Variants in LAP3 observed in about 807,000 individuals in gnomAD.
LAP3 encodes the protein cytosol aminopeptidase.
Under a neutral mutation model 58.8 loss-of-function variants are expected in LAP3, and 46 were observed. That is an observed-to-expected ratio of 0.78 (90% CI 0.62 to 1.00). The LOEUF (loss-of-function observed/expected upper bound fraction) is 1.00. Among genes scored for constraint, LAP3 ranks in the 50% least tolerant of loss-of-function variants. The probability of loss-of-function intolerance (pLI) is 0.00; values close to 1 mark genes in which losing one functional copy is unlikely to be tolerated. For missense variants in LAP3, 615 were observed against 659.1 expected (o/e 0.93, Z 0.73); for synonymous variants, 257 against 237.7 (o/e 1.08, Z -0.75).
Position 17,595,394 on chromosome 4 carries a change from G to A in LAP3, c.864-16G>A. Reference sequence around the variant, plus strand: ...TTCTTTGCTCTTAATATTGCACGTTGTCCATTTCCCCATAGTGGTGGTATC... The same window carrying A: ...TTCTTTGCTCTTAATATTGCACGTTATCCATTTCCCCATAGTGGTGGTATC... On this transcript the variant is annotated splice_polypyrimidine_tract_variant and intron_variant, in intron 7 of 12. Coordinates refer to ENST00000226299, the MANE Select transcript of LAP3 (RefSeq NM_015907.3). The A allele has an allele frequency of 6.2e-7, 1 of 1,612,518 alleles. No homozygotes were observed. Among genetic ancestry groups the A allele is most frequent in the Non-Finnish European group, 8.5e-7 (1 of 1,179,164 alleles).
chr4:17,595,359 T>G (rs775662106), intron 7 of LAP3, 51 bp from the exon 8 acceptor site: 1 of 1,596,060 alleles, frequency 6.3e-7, no homozygotes, highest in Non-Finnish European at 8.6e-7. Context: ...ATAAAGTGAT[T>G]TTGGCCATCT....
chr4:17,584,886 CTGTAAGGTAAGAG>C, intron 5 of LAP3, 73 bp from the exon 6 acceptor site: 3 of 1,323,918 alleles, frequency 2.3e-6, no homozygotes, highest in Non-Finnish European at 2.1e-6. Flanking sequence ...CTTTTGTTTT[CTGTAAGGTAAGAG>C]TGTCTCTTAG....
intron 6 of LAP3, 23 bp from the exon 7 acceptor site, chr4:17,588,796 T>G: frequency 6.3e-7 from 1 of 1,591,720 alleles, no homozygotes; most frequent in Non-Finnish European, 8.6e-7. Context: ...TATATTTACT[T>G]TTTCCCTCTT....
chr4:17,583,258 C>A (rs747632745), intron 4 of LAP3, among the ~76,000 whole-genome samples: 10 of 152,174 alleles, frequency 6.6e-5, no homozygotes, highest in Non-Finnish European at 1.3e-4. Context: ...TTCATTCTCT[C>A]CATCAGCCTG....
chr4:17,592,089 T>TTAAA (rs1319166810), intron 7 of LAP3, among the ~76,000 whole-genome samples: 1 of 152,052 alleles, frequency 6.6e-6, no homozygotes, highest in Non-Finnish European at 1.5e-5. Flanking sequence ...AACACCATCT[T>TTAAA]TAAATAAATA....
chr4:17,605,812 TA>T (rs530728073), intron 11 of LAP3, among the ~76,000 whole-genome samples: 34 of 150,620 alleles, frequency 2.3e-4, no homozygotes, highest in East Asian at 3.9e-4. Flanking sequence ...ATTTAAGCTT[TA>T]AAAAAAAAAT....
intron 11 of LAP3, among the ~76,000 whole-genome samples, chr4:17,605,141 CA>C (rs1213773510): frequency 1.3e-5 from 2 of 152,038 alleles, no homozygotes; most frequent in East Asian, 1.9e-4. Context: ...CACACACACA[CA>C]CACACACCCT....
At chr4:17,588,501 G>A (rs1439684246) in intron 6 of LAP3, among the ~76,000 whole-genome samples, 1 of 152,080 alleles carries the variant, frequency 6.6e-6, no homozygotes, top group Non-Finnish European at 1.5e-5. Context: ...TTGGAGAGAG[G>A]AAATTAATTA....
chr4:17,602,312 A>G (rs573215593), intron 10 of LAP3, among the ~76,000 whole-genome samples: 2 of 152,298 alleles, frequency 1.3e-5, no homozygotes, highest in South Asian at 4.1e-4. Context: ...GCGCTTACAG[A>G]TGGGCCAGGC....
At position 17,581,360 on chromosome 4, in the gene LAP3, T is replaced by C. The variant is rs569403246; in HGVS notation, c.219-400T>C. Among the ~76,000 whole-genome samples the C allele has an allele frequency of 5.9e-5, 9 of 152,326 alleles. No homozygotes were observed. In the South Asian group the frequency reaches 1.9e-3, roughly 32 times the overall value. On this transcript the variant is annotated intron_variant, in intron 2 of 12. Transcript: ENST00000226299. ...CATTGCTTTCCATTGTTTTTAAATA[T>C]GTTTGTGTTAGATCTAATCTGAAAG...
At chr4:17,601,498 A>T (rs1713981216) in intron 10 of LAP3, among the ~76,000 whole-genome samples, 1 of 152,164 alleles carries the variant, frequency 6.6e-6, no homozygotes, top group African/African-American at 2.4e-5. Flanking sequence ...GGTTGACTGA[A>T]ATATTTTGAG....
chr4:17,589,024 G>T, intron 7 of LAP3, 47 bp downstream of exon 7: 2 of 1,578,008 alleles, frequency 1.3e-6, no homozygotes, highest in Non-Finnish European at 1.7e-6. Flanking sequence ...AATTATTTGT[G>T]TGCAGTTTAA....
At chr4:17,593,673 G>C (rs1038719628) in intron 7 of LAP3, among the ~76,000 whole-genome samples, 9 of 137,164 alleles carry the variant, frequency 6.6e-5, no homozygotes, top group African/African-American at 2.5e-4. Flanking sequence ...GTGCAGTGGT[G>C]CAATCTTGGC....
chr4:17,582,080 T>G, intron 3 of LAP3: 1 of 603,886 alleles, frequency 1.7e-6, no homozygotes, highest in Non-Finnish European at 3.0e-6. Context: ...TTACTCTGCC[T>G]CTCAAACCTA....
In LAP3 at chr4:17,580,086, C is replaced by T. The variant is rs534869097; in HGVS notation, c.218+147C>T. On this transcript the variant is annotated intron_variant, in intron 2 of 12. Coordinates refer to ENST00000226299, the MANE Select transcript of LAP3 (RefSeq NM_015907.3). ...GATCTTGACTCACTTCAACCTCTGC[C>T]TCCTGGGTTCAGGTGGTTCTCGTGC... The T allele has an allele frequency of 2.6e-3, 1,150 of 441,768 alleles. 7 individuals carry two copies. The highest frequency in any genetic ancestry group is 0.013 in the South Asian group (364 of 27,462). The allele number at this position is 441,768 out of a possible 1,614,324, so 27.4% of individuals were successfully genotyped here.
At chr4:17,585,177 A>G (rs1394997640) in intron 6 of LAP3, 41 bp downstream of exon 6, 1 of 1,538,614 alleles carries the variant, frequency 6.5e-7, no homozygotes, top group Admixed American at 1.7e-5. Context: ...TGTTACAGCC[A>G]GAAGGAGCCC....
At chr4:17,578,510 G>C (rs1713270871) in intron 1 of LAP3, among the ~76,000 whole-genome samples, 1 of 149,806 alleles carries the variant, frequency 6.7e-6, no homozygotes, top group African/African-American at 2.5e-5. Context: ...TCAACTGCTG[G>C]GCGGGAAGAC....
intron 11 of LAP3, among the ~76,000 whole-genome samples, chr4:17,606,426 C>T (rs569676994): frequency 1.2e-4 from 19 of 152,276 alleles, no homozygotes; most frequent in Admixed American, 7.2e-4. Context: ...GCAACCTCCC[C>T]GTCCTGGGTT....
rs1473041372 is a variant in LAP3 at position 17,604,696 on chromosome 4, G to C, written c.1260+29G>C. 5 of 1,455,750 alleles carry C rather than the reference G, an allele frequency of 3.4e-6. No homozygotes were observed. The South Asian group carries it at 5.7e-5, about 17-fold the overall frequency. 90.2% of individuals were successfully genotyped at this position (1,455,750 alleles called of 1,614,324 possible). A position where few individuals can be genotyped will look rare whatever the true frequency, so the allele number is the denominator to read the frequency against. On this transcript the variant is annotated intron_variant, in intron 11 of 12. Transcript: ENST00000226299. ...GGAATAATATTTGTATATCTAAATT[G>C]TAGAGATGGTGAATAAATTATTCTA...
Sources: allele counts gnomAD v4.1 joint callset (sites outside exome capture counted in the v4.1 genomes callset), GRCh38; gene constraint gnomAD v4.1.1; transcripts MANE v1.5; gene names NCBI Gene and HGNC (gene_info 2026-07-23, HGNC 2026-07-21).